BICRAL: variants seen among roughly 807,000 people sequenced by gnomAD.
The protein encoded by BICRAL is BRD4-interacting chromatin-remodeling complex-associated protein-like.
A neutral mutation model predicts 91.8 loss-of-function variants in BICRAL; 8 were observed. The observed-to-expected ratio is 0.09, with a 90% CI of 0.05 to 0.16. The LOEUF is 0.16. Among genes scored for constraint, BICRAL ranks in the 10% least tolerant of loss-of-function variants. The probability of loss-of-function intolerance (pLI) is 1.00; values close to 1 mark genes in which losing one functional copy is unlikely to be tolerated. For synonymous variants in BICRAL, 445 were observed against 491.1 expected (o/e 0.91, Z 1.24); for missense variants, 1,038 against 1,310.9 (o/e 0.79, Z 3.21).
chr6:42,867,629 T>C lies in BICRAL; in HGVS notation c.*2183T>C, dbSNP rs1380488232. The C allele has an allele frequency of 6.6e-6, 1 of 152,270 alleles. No individual in the cohort carries two copies. Among genetic ancestry groups the C allele is most frequent in the Non-Finnish European group, 1.5e-5 (1 of 68,038 alleles). The allele number at this position is 152,270 out of a possible 1,614,324, so 9.4% of individuals were successfully genotyped here. A position where few individuals can be genotyped will look rare whatever the true frequency, so the allele number is the denominator to read the frequency against. On this transcript the variant is annotated 3_prime_UTR_variant, in exon 13 of 13. Coordinates refer to ENST00000314073, the MANE Select transcript of BICRAL (RefSeq NM_001393499.1). ...TCATGTGGGCTGCTAGTGAGTTACATTAATTACTGCAAATCAGTGGAATTC... is the reference window on the plus strand; with the variant it reads ...TCATGTGGGCTGCTAGTGAGTTACACTAATTACTGCAAATCAGTGGAATTC...
intron 6 of BICRAL, among the ~76,000 whole-genome samples, chr6:42,845,964 G>C (rs1160320205): frequency 1.3e-5 from 2 of 150,510 alleles, no homozygotes; most frequent in Admixed American, 1.3e-4. Flanking sequence ...CCAGCTAATC[G>C]GGAGGCTGAG....
chr6:42,807,612 A>AT (rs1763744446), intron 1 of BICRAL, among the ~76,000 whole-genome samples: 1 of 151,774 alleles, frequency 6.6e-6, no homozygotes, highest in Non-Finnish European at 1.5e-5. Flanking sequence ...GATTGAGACC[A>AT]TCCTGGCCAA....
rs777842176 is a variant in BICRAL, at chr6:42,822,955, T to C, written c.111T>C (p.Asn37=). Residue 37 remains asparagine, a synonymous_variant, in exon 5 of 13, where the codon AAT becomes AAC. Transcript: ENST00000314073. The stretch of plus-strand genomic sequence containing the variant: ...TGCAGAGCAATGATGACTTGACTAA[T>C]GCAGGATATTCTGCAGCCAATTCAA... ...SNKSSNDDLT[N]AGYSAANSNS... 18 of 1,611,700 alleles carry C rather than the reference T, an allele frequency of 1.1e-5. No individual in the cohort carries two copies. Among genetic ancestry groups the C allele is most frequent in the Admixed American group, 1.7e-5 (1 of 60,012 alleles).
intron 5 of BICRAL, among the ~76,000 whole-genome samples, chr6:42,826,375 C>T (rs184584912): frequency 5.3e-5 from 8 of 151,740 alleles, no homozygotes; most frequent in Admixed American, 2.0e-4. Flanking sequence ...GCTGGTATTA[C>T]AGGCGTGTGT....
Position 42,751,639 on chromosome 6 carries a change from C to T in BICRAL, c.-261+4616C>T, listed in dbSNP as rs557315593. Among the ~76,000 whole-genome samples the T allele has an allele frequency of 3.4e-3, 505 of 148,428 alleles. 5 individuals are homozygous for T. Among genetic ancestry groups the T allele is most frequent in the Middle Eastern group, 0.014 (4 of 280 alleles). ...CCACACCCAGGCAAATAAAAGGACC[C>T]TTTTTCTTTCTTTTCTTTTTTTTTT... On this transcript the variant is annotated intron_variant, in intron 1 of 14. Coordinates refer to the BICRAL transcript ENST00000614467.
chr6:42,852,001 G>A, intron 6 of BICRAL, 91 bp from the exon 7 acceptor site: 1 of 733,322 alleles, frequency 1.4e-6, no homozygotes, highest in Non-Finnish European at 2.3e-6. Context: ...AAGGTACCAG[G>A]GAGGCATGAA....
intron 5 of BICRAL, among the ~76,000 whole-genome samples, chr6:42,824,306 A>G (rs150480940): frequency 5.3e-5 from 8 of 152,276 alleles, no homozygotes; most frequent in African/African-American, 1.9e-4. Context: ...TAAATAATAA[A>G]AAGACAAGTT....
chr6:42,843,895 T>A (rs13193396), intron 6 of BICRAL, among the ~76,000 whole-genome samples: 2 of 150,434 alleles, frequency 1.3e-5, no homozygotes, highest in African/African-American at 2.5e-5. Context: ...TTCTCCCTGG[T>A]TGAAGTGATT....
In BICRAL at chr6:42,863,462, T is replaced by C. The variant is rs139630611; in HGVS notation, c.2452+850T>C. On this transcript the variant is annotated intron_variant, in intron 12 of 12. Coordinates refer to ENST00000314073, the MANE Select transcript of BICRAL (RefSeq NM_001393499.1). Reference sequence around the variant, plus strand: ...CTTCCATATCATTTTGGATGAGTGTTGGCTATTCATTTTGTGGTCTTGGGA... The same window carrying C: ...CTTCCATATCATTTTGGATGAGTGTCGGCTATTCATTTTGTGGTCTTGGGA... 3.3e-5 allele frequency among the ~76,000 whole-genome samples: 5 copies of C among 152,312 alleles called. No individual in the cohort carries two copies. In the East Asian group the frequency reaches 9.6e-4, roughly 29 times the overall value.
In BICRAL at chr6:42,811,263, G is replaced by A. The variant is rs60177433; in HGVS notation, c.-6+862G>A. Among the ~76,000 whole-genome samples the A allele has an allele frequency of 1.2e-3, 187 of 152,306 alleles. 1 individual carries two copies. The highest frequency in any genetic ancestry group is 4.2e-3 in the African/African-American group (176 of 41,568). On this transcript the variant is annotated intron_variant, in intron 2 of 12. Transcript: ENST00000314073. ...AGTGTTTCCTTACCATAGCTCAGGGGAGGAGGAATCCACAGGAAGGCTGAT... is the reference window on the plus strand; with the variant it reads ...AGTGTTTCCTTACCATAGCTCAGGGAAGGAGGAATCCACAGGAAGGCTGAT...
intron 1 of BICRAL, among the ~76,000 whole-genome samples, chr6:42,802,428 T>TTTGTTG (rs1554277645): frequency 5.9e-4 from 61 of 104,042 alleles, no homozygotes; most frequent in Admixed American, 1.7e-3. Context: ...CGTGTTTTTT[T>TTTGTTG]TTGTTGTTGT....
intron 6 of BICRAL, among the ~76,000 whole-genome samples, chr6:42,842,381 C>T (rs1322720403): frequency 1.3e-5 from 2 of 152,180 alleles, no homozygotes; most frequent in Admixed American, 1.3e-4. Flanking sequence ...CAGATTTCCA[C>T]ATTAATCCTC....
At chr6:42,784,631 G>A (rs956909838) in intron 1 of BICRAL, among the ~76,000 whole-genome samples, 2 of 152,190 alleles carry the variant, frequency 1.3e-5, no homozygotes, top group Admixed American at 1.3e-4. Context: ...GTTCATAGAA[G>A]TATAGTAATT....
intron 2 of BICRAL, among the ~76,000 whole-genome samples, chr6:42,813,893 G>A (rs1012841323): frequency 1.3e-5 from 2 of 152,030 alleles, no homozygotes; most frequent in Non-Finnish European, 2.9e-5. Flanking sequence ...AATATTAAAG[G>A]ATTCCTTTCA....
intron 8 of BICRAL, among the ~76,000 whole-genome samples, chr6:42,854,304 C>T (rs142803023): frequency 7.4e-4 from 112 of 152,200 alleles, no homozygotes; most frequent in African/African-American, 2.6e-3. Flanking sequence ...GCTCAGGTGA[C>T]CCTCCTGCCT....
rs111780285 is a variant in BICRAL at position 42,830,023 on chromosome 6, T to C, written c.1690T>C (p.Ser564Pro). The change falls in exon 6 of 13, where the codon TCA becomes CCA. Residue 564 changes from serine (S) to proline (P), a missense_variant. By Grantham distance (74) the Ser-to-Pro change is moderately conservative. Around this residue, in one of 5 missense-constraint regions of BICRAL, gnomAD observed 532 missense variants for 724.9 expected, o/e 0.73. Coordinates refer to ENST00000314073, the MANE Select transcript of BICRAL (RefSeq NM_001393499.1). ...TGCAGTTCAGTCTGGTTCATCAGGA[T>C]CAAACTTTACAGGAGATCAGCTGAC... ...GSAVQSGSSG[S>P]NFTGDQLTQP... 1 of 1,614,164 alleles carries C rather than the reference T, an allele frequency of 6.2e-7. No homozygotes were observed. Among genetic ancestry groups the C allele is most frequent in the Non-Finnish European group, 8.5e-7 (1 of 1,180,028 alleles).
chr6:42,845,987 C>T (rs536190237), intron 6 of BICRAL, among the ~76,000 whole-genome samples: 79 of 142,468 alleles, frequency 5.5e-4, no homozygotes, highest in African/African-American at 1.9e-3. Flanking sequence ...AGGAGAATGG[C>T]GGGAACCCAG....
chr6:42,822,914 A>G (rs546479168), intron 4 of BICRAL, 21 bp from the exon 5 acceptor site: 4 of 1,573,224 alleles, frequency 2.5e-6, no homozygotes, highest in East Asian at 2.2e-5. Context: ...GTAACCACCT[A>G]TTGAATTTGT....
At chr6:42,759,234 G>A (rs890141952) in intron 1 of BICRAL, among the ~76,000 whole-genome samples, 20 of 152,316 alleles carry the variant, frequency 1.3e-4, no homozygotes, top group African/African-American at 4.6e-4. Flanking sequence ...CCCACCAAGG[G>A]CTTTGTAAAT....
Sources: allele counts gnomAD v4.1 joint callset (sites outside exome capture counted in the v4.1 genomes callset), GRCh38; gene constraint gnomAD v4.1.1; regional missense constraint gnomAD v4.1.1; transcripts MANE v1.5; gene names NCBI Gene and HGNC (gene_info 2026-07-23, HGNC 2026-07-21).